MAGI2: variants seen among roughly 807,000 people sequenced by gnomAD.
MAGI2 encodes the protein membrane associated guanylate kinase, WW and PDZ domain containing 2.
In MAGI2, 35 loss-of-function variants were observed where a neutral mutation model predicts 133.3. The observed-to-expected ratio is 0.26, with a 90% confidence interval of 0.20 to 0.35. MAGI2 has a LOEUF of 0.35. MAGI2 is among the 10% of genes least tolerant of loss of function. MAGI2 has a pLI of 1.00. For missense variants in MAGI2, 1,636 were observed against 1,863.4 expected (o/e 0.88, Z 2.25); for synonymous variants, 729 against 710.6 (o/e 1.03, Z -0.41).
At chr7:78,424,620 T>C (rs1799115006) in intron 6 of MAGI2, among the ~76,000 whole-genome samples, 1 of 152,130 alleles carries the variant, frequency 6.6e-6, no homozygotes. Context: ...AGGGAGGCTG[T>C]ACCCTGCAAA....
intron 3 of MAGI2, among the ~76,000 whole-genome samples, chr7:78,619,973 T>G (rs1807550024): frequency 6.6e-6 from 1 of 151,926 alleles, no homozygotes; most frequent in Non-Finnish European, 1.5e-5. Flanking sequence ...AAAAATGCTA[T>G]AACCTGGATA....
chr7:78,818,171 T>C (rs1266453828), intron 2 of MAGI2, among the ~76,000 whole-genome samples: 1 of 152,188 alleles, frequency 6.6e-6, no homozygotes, highest in Non-Finnish European at 1.5e-5. Flanking sequence ...TGTGGCCAAC[T>C]CTTTGTGAAG....
rs776837269 is a variant in MAGI2 at position 78,754,953 on chromosome 7, G to T, written c.419-127714C>A. Among the ~76,000 whole-genome samples the T allele has an allele frequency of 1.6e-3, 238 of 152,266 alleles. 1 individual carries two copies. The highest frequency in any genetic ancestry group is 2.5e-3 in the Non-Finnish European group (169 of 68,020). ...GTTATCTGCTTTAATGTCCCTCATTGCTTTAGCATGCCTTTTTTCACCTTG... is the reference window on the plus strand; with the variant it reads ...GTTATCTGCTTTAATGTCCCTCATTTCTTTAGCATGCCTTTTTTCACCTTG... On this transcript the variant is annotated intron_variant, in intron 2 of 21. Transcript: ENST00000354212.
chr7:79,315,239 A>C (rs961660531), intron 1 of MAGI2, among the ~76,000 whole-genome samples: 4 of 150,558 alleles, frequency 2.7e-5, no homozygotes, highest in Non-Finnish European at 5.9e-5. Flanking sequence ...GCTCACTGCA[A>C]CCTACACCTC....
chr7:78,761,040 T>G (rs1824457972), intron 2 of MAGI2, among the ~76,000 whole-genome samples: 1 of 152,182 alleles, frequency 6.6e-6, no homozygotes, highest in South Asian at 2.1e-4. Flanking sequence ...TTATTATAAT[T>G]TTCATCTTAC....
intron 3 of MAGI2, among the ~76,000 whole-genome samples, chr7:78,527,484 G>A (rs971905286): frequency 6.6e-6 from 1 of 152,132 alleles, no homozygotes; most frequent in Non-Finnish European, 1.5e-5. Context: ...AATATGAAAC[G>A]ATTTCAACGA....
rs1274454653 is a variant in MAGI2 at position 78,182,531 on chromosome 7, T to C, written c.2311+3098A>G. On this transcript the variant is annotated intron_variant, in intron 13 of 21. Transcript: ENST00000354212. ...CCATCCTAAATATGACTTTGCTCCT[T>C]CCTTCCATCTCTTTCTAGGAAAAGT... Among the ~76,000 whole-genome samples the C allele has an allele frequency of 2.6e-5, 4 of 152,210 alleles. No homozygotes were observed. The East Asian group carries it at 7.7e-4, about 29-fold the overall frequency.
intron 9 of MAGI2, among the ~76,000 whole-genome samples, chr7:78,317,905 C>G (rs1399688014): frequency 6.6e-6 from 1 of 152,142 alleles, no homozygotes; most frequent in Non-Finnish European, 1.5e-5. Context: ...AACTAACAAA[C>G]AGAAAGGAAT....
intron 6 of MAGI2, among the ~76,000 whole-genome samples, chr7:78,420,913 A>G (rs1203849825): frequency 6.6e-6 from 1 of 152,208 alleles, no homozygotes; most frequent in Non-Finnish European, 1.5e-5. Flanking sequence ...ATTAGAAAAG[A>G]GAAAGAAAGG....
intron 3 of MAGI2, among the ~76,000 whole-genome samples, chr7:78,523,232 G>T (rs1796662557): frequency 6.6e-6 from 1 of 152,294 alleles, no homozygotes; most frequent in Non-Finnish European, 1.5e-5. Flanking sequence ...GGGAAGAGCA[G>T]TAATTGTTCT....
At chr7:78,684,376 G>A (rs1271402784) in intron 2 of MAGI2, among the ~76,000 whole-genome samples, 10 of 152,094 alleles carry the variant, frequency 6.6e-5, no homozygotes, top group South Asian at 2.1e-4. Context: ...CACTTGGAAT[G>A]GATAAGCTTC....
chr7:78,069,746 C>G (rs1297556424), intron 21 of MAGI2, among the ~76,000 whole-genome samples: 3 of 151,988 alleles, frequency 2.0e-5, no homozygotes, highest in African/African-American at 7.3e-5. Context: ...AAGGTCTTCC[C>G]CATAGTTCTT....
intron 2 of MAGI2, among the ~76,000 whole-genome samples, chr7:78,889,887 T>G (rs965428704): frequency 9.9e-5 from 15 of 152,178 alleles, no homozygotes; most frequent in African/African-American, 3.6e-4. Flanking sequence ...AATATTAGCC[T>G]TAAATGTAAA....
chr7:78,914,185 T>C (rs546683428), intron 2 of MAGI2, among the ~76,000 whole-genome samples: 1 of 152,312 alleles, frequency 6.6e-6, no homozygotes, highest in East Asian at 1.9e-4. Context: ...GGACAGAGGA[T>C]GTATCACTAT....
At chr7:78,969,940 G>C (rs1192415006) in intron 2 of MAGI2, among the ~76,000 whole-genome samples, 1 of 151,944 alleles carries the variant, frequency 6.6e-6, no homozygotes, top group Non-Finnish European at 1.5e-5. Flanking sequence ...AAAACGAGGA[G>C]ACTGAGGCAT....
At chr7:78,290,493 TAATG>T in intron 9 of MAGI2, among the ~76,000 whole-genome samples, 1 of 152,238 alleles carries the variant, frequency 6.6e-6, no homozygotes, top group East Asian at 1.9e-4. Context: ...CACACAATAA[TAATG>T]GGAGACTTTA....
intron 2 of MAGI2, among the ~76,000 whole-genome samples, chr7:78,763,866 T>TA (rs1824756195): frequency 6.6e-6 from 1 of 152,234 alleles, no homozygotes; most frequent in Non-Finnish European, 1.5e-5. Flanking sequence ...CAAAATCAAT[T>TA]AATTTCAATT....
intron 2 of MAGI2, among the ~76,000 whole-genome samples, chr7:78,914,460 G>C (rs186105115): frequency 6.6e-6 from 1 of 152,110 alleles, no homozygotes; most frequent in East Asian, 1.9e-4. Context: ...ATATATATTT[G>C]TCAAATATCA....
chr7:78,643,846 G>T (rs1358140711), intron 2 of MAGI2, among the ~76,000 whole-genome samples: 1 of 151,550 alleles, frequency 6.6e-6, no homozygotes, highest in East Asian at 1.9e-4. Context: ...GTAATAGAAA[G>T]CCTACAGCAA....
Sources: allele counts gnomAD v4.1 joint callset (sites outside exome capture counted in the v4.1 genomes callset), GRCh38; gene constraint gnomAD v4.1.1; transcripts MANE v1.5; gene names NCBI Gene and HGNC (gene_info 2026-07-23, HGNC 2026-07-21).